The following MAPK8 variants were observed in gnomAD, a reference collection of about 807,000 sequenced individuals.
The protein encoded by MAPK8 is mitogen-activated protein kinase 8.
In MAPK8, 13 loss-of-function variants were observed where a neutral mutation model predicts 52.9. The observed-to-expected ratio is 0.25, with a 90% confidence interval of 0.16 to 0.39. The LOEUF is 0.39. Among genes scored for constraint, MAPK8 ranks in the 10% least tolerant of loss-of-function variants. The pLI, the probability that MAPK8 is intolerant of heterozygous loss-of-function variation, is 1.00. For synonymous variants in MAPK8, 191 were observed against 169.8 expected (o/e 1.12, Z -0.97); for missense variants, 300 against 519.2 (o/e 0.58, Z 4.10).
intron 5 of MAPK8, among the ~76,000 whole-genome samples, chr10:48,416,284 G>T (rs1024946153): frequency 6.6e-6 from 1 of 152,166 alleles, no homozygotes; most frequent in African/African-American, 2.4e-5. Flanking sequence ...CAAGTGATGT[G>T]CATGGATGGC....
At chr10:48,330,694 G>C (rs1812119176) in intron 1 of MAPK8, among the ~76,000 whole-genome samples, 1 of 152,134 alleles carries the variant, frequency 6.6e-6, no homozygotes, top group Admixed American at 6.5e-5. Context: ...CTAGCACGCA[G>C]GTCTCTTCCC....
chr10:48,401,676 C>G lies in MAPK8; in HGVS notation c.16C>G (p.Arg6Gly). Reference sequence around the variant, plus strand: ...GCTTGCCATCATGAGCAGAAGCAAGCGTGACAACAATTTTTATAGTGTAGA... The same window carrying G: ...GCTTGCCATCATGAGCAGAAGCAAGGGTGACAACAATTTTTATAGTGTAGA... The part of the protein sequence containing the change: MSRSK[R>G]DNNFYSVEIG... The change falls in exon 2 of 12, where the codon CGT becomes GGT. Residue 6 changes from arginine (R) to glycine (G), a missense_variant. Arg to Gly is a moderately radical substitution (Grantham distance 125, BLOSUM62 -2). Transcript: ENST00000374189. 6.2e-7 allele frequency: 1 copy of G among 1,608,690 alleles called. No homozygotes were observed. Among genetic ancestry groups the G allele is most frequent in the East Asian group, 2.3e-5 (1 of 44,254 alleles).
At chr10:48,347,559 C>T (rs534606403) in intron 1 of MAPK8, among the ~76,000 whole-genome samples, 97 of 152,288 alleles carry the variant, frequency 6.4e-4, no homozygotes, top group African/African-American at 1.7e-3. Flanking sequence ...CTCCCCACCC[C>T]GCAACAGGCC....
chr10:48,362,294 C>G (rs1847604871), intron 1 of MAPK8, among the ~76,000 whole-genome samples: 2 of 152,068 alleles, frequency 1.3e-5, no homozygotes, highest in African/African-American at 4.8e-5. Flanking sequence ...GTGAAAATTA[C>G]CTTTTTTCAG....
chr10:48,335,703 C>T (rs1844620281), intron 1 of MAPK8, among the ~76,000 whole-genome samples: 1 of 152,112 alleles, frequency 6.6e-6, no homozygotes, highest in South Asian at 2.1e-4. Flanking sequence ...ACATGTCTCA[C>T]AAGTGCTTTT....
At position 48,401,727 on chromosome 10, in the gene MAPK8, C is replaced by T; in HGVS notation, c.67C>T (p.Leu23=). 6.3e-7 allele frequency: 1 copy of T among 1,586,824 alleles called. No homozygotes were observed. The highest frequency in any genetic ancestry group is 8.5e-7 in the Non-Finnish European group (1 of 1,170,354). ...GATTGGAGATTCTACATTCACAGTC[C>T]TGAAACGATATCAGAATTTAAAACC... ...VEIGDSTFTV[L]KRYQNLKPIG... is the part of the protein sequence containing the mutation. The change falls in exon 2 of 12, where the codon CTG becomes TTG. Residue 23 remains leucine (L), a synonymous_variant. Coordinates refer to ENST00000374189, the MANE Select transcript of MAPK8 (RefSeq NM_001323329.2).
At chr10:48,401,542 A>T in intron 1 of MAPK8, 70 bp from the exon 2 acceptor site, 1 of 1,003,296 alleles carries the variant, frequency 1.0e-6, no homozygotes, top group Non-Finnish European at 1.5e-6. Context: ...GTACGTAAAC[A>T]GTAAGGACTC....
At chr10:48,368,774 G>A (rs1848292825) in intron 1 of MAPK8, among the ~76,000 whole-genome samples, 2 of 152,178 alleles carry the variant, frequency 1.3e-5, no homozygotes, top group African/African-American at 4.8e-5. Flanking sequence ...ATATGCAGAG[G>A]TAGGAAGTGC....
At chr10:48,395,963 C>T (rs562020435) in intron 1 of MAPK8, among the ~76,000 whole-genome samples, 2 of 152,110 alleles carry the variant, frequency 1.3e-5, no homozygotes, top group South Asian at 4.1e-4. Flanking sequence ...AACTCTTATA[C>T]AACAGTTATC....
intron 1 of MAPK8, among the ~76,000 whole-genome samples, chr10:48,327,034 T>C (rs79399427): frequency 0.011 from 1,692 of 152,250 alleles, 36 homozygotes; most frequent in African/African-American, 0.039. Context: ...TTATTTCTTT[T>C]CCCCCCTCCG....
At chr10:48,319,909 G>GTTTT (rs1011631114) in intron 1 of MAPK8, among the ~76,000 whole-genome samples, 4 of 149,268 alleles carry the variant, frequency 2.7e-5, no homozygotes, top group Non-Finnish European at 6.0e-5. Flanking sequence ...CTTCGTTTCT[G>GTTTT]TTTTTTTTTC....
chr10:48,381,374 T>C (rs1005841376), intron 1 of MAPK8, among the ~76,000 whole-genome samples: 7 of 152,218 alleles, frequency 4.6e-5, no homozygotes, highest in Admixed American at 4.6e-4. Flanking sequence ...CTCTCTTTTT[T>C]ATAACTTTCT....
intron 5 of MAPK8, among the ~76,000 whole-genome samples, chr10:48,417,985 A>G (rs1186470492): frequency 6.6e-6 from 1 of 152,246 alleles, no homozygotes; most frequent in Non-Finnish European, 1.5e-5. Flanking sequence ...TAAATATTTT[A>G]GGCTTTGTGG....
At chr10:48,336,071 T>TC (rs952889969) in intron 1 of MAPK8, among the ~76,000 whole-genome samples, 23 of 152,104 alleles carry the variant, frequency 1.5e-4, no homozygotes, top group African/African-American at 5.6e-4. Context: ...AGCAGAAAAC[T>TC]CCATCTGTAT....
chr10:48,380,122 A>T (rs762143700), intron 1 of MAPK8, among the ~76,000 whole-genome samples: 1 of 151,908 alleles, frequency 6.6e-6, no homozygotes, highest in Non-Finnish European at 1.5e-5. Context: ...CGCACCTGTA[A>T]TCCCAGCTAC....
At chr10:48,367,173 C>T (rs1229352654) in intron 1 of MAPK8, among the ~76,000 whole-genome samples, 1 of 151,930 alleles carries the variant, frequency 6.6e-6, no homozygotes, top group East Asian at 1.9e-4. Context: ...AGTTTGAGAC[C>T]AGCCTGGGCA....
rs529561911 is a variant in MAPK8 at position 48,401,844 on chromosome 10, T to C, written c.122+62T>C. ...TTAACTGCTACCTTTTCTCCTCTCG[T>C]AATTTAGATACCTTGGCAAATATTT... On this transcript the variant is annotated intron_variant, in intron 2 of 11. Coordinates refer to ENST00000374189, the MANE Select transcript of MAPK8 (RefSeq NM_001323329.2). 2.4e-6 allele frequency: 3 copies of C among 1,273,178 alleles called. No homozygotes were observed. The South Asian group carries it at 7.5e-5, about 32-fold the overall frequency. The allele number at this position is 1,273,178 out of a possible 1,614,324, so 78.9% of individuals were successfully genotyped here. A position where few individuals can be genotyped will look rare whatever the true frequency, so the allele number is the denominator to read the frequency against.
At chr10:48,317,331 A>G (rs1470013675) in intron 1 of MAPK8, among the ~76,000 whole-genome samples, 4 of 151,920 alleles carry the variant, frequency 2.6e-5, no homozygotes, top group African/African-American at 9.7e-5. Flanking sequence ...CGGCTGGCGA[A>G]TTTTTAAGTT....
At chr10:48,353,437 A>G (rs934680872) in intron 1 of MAPK8, among the ~76,000 whole-genome samples, 1 of 152,234 alleles carries the variant, frequency 6.6e-6, no homozygotes, top group African/African-American at 2.4e-5. Flanking sequence ...GCTCCACACA[A>G]GTAAAGCCAA....
Sources: allele counts gnomAD v4.1 joint callset (sites outside exome capture counted in the v4.1 genomes callset), GRCh38; gene constraint gnomAD v4.1.1; transcripts MANE v1.5; gene names NCBI Gene and HGNC (gene_info 2026-07-23, HGNC 2026-07-21).